VRK1: variants seen among roughly 807,000 people sequenced by gnomAD.
VRK1 encodes the protein VRK serine/threonine kinase 1, also known as serine/threonine-protein kinase VRK1.
VRK1 carries 33 observed loss-of-function variants against 57.1 expected under a neutral mutation model. The observed-to-expected ratio is 0.58, with a 90% confidence interval of 0.44 to 0.77. The LOEUF (loss-of-function observed/expected upper bound fraction) is 0.77, where lower values mean the gene tolerates loss of function less well. VRK1 is among the 30% of genes least tolerant of loss of function. The pLI is 0.00. For missense variants in VRK1, 413 were observed against 477.3 expected (o/e 0.87, Z 1.25); for synonymous variants, 137 against 147.8 (o/e 0.93, Z 0.53).
chr14:96,808,002 C>CCTCTCTCCGTCTCTCT lies in VRK1; in HGVS notation c.-6+10562_-6+10563insCGTCTCTCTCTCTCTC, dbSNP rs149250994. On this transcript the variant is annotated intron_variant, in intron 1 of 12. Transcript: ENST00000216639. The stretch of plus-strand genomic sequence containing the variant: ...GTCTCTCTCCCTCTCTCCCTCTCTC[C>CCTCTCTCCGTCTCTCT]CTCTCTCTCTCCCTCTGTGTGTGTG... Among the ~76,000 whole-genome samples the CCTCTCTCCGTCTCTCT allele has an allele frequency of 5.3e-3, 626 of 118,200 alleles. 37 individuals are homozygous for CCTCTCTCCGTCTCTCT. The highest frequency in any genetic ancestry group is 0.019 in the African/African-American group (533 of 28,044). The allele number at this position is 118,200 out of a possible 152,430, so 77.5% of individuals were successfully genotyped here. A position where few individuals can be genotyped will look rare whatever the true frequency, so the allele number is the denominator to read the frequency against.
chr14:96,798,739 C>T (rs1253870560), intron 1 of VRK1, among the ~76,000 whole-genome samples: 1 of 152,120 alleles, frequency 6.6e-6, no homozygotes, highest in East Asian at 1.9e-4. Context: ...AATTTTGAAG[C>T]ATTTTCAGAA....
intron 1 of VRK1, among the ~76,000 whole-genome samples, chr14:96,797,841 C>T (rs1334842762): frequency 6.6e-6 from 1 of 152,240 alleles, no homozygotes; most frequent in African/African-American, 2.4e-5. Context: ...AGGCCCCTGC[C>T]CCGCAGAGCT....
At chr14:96,835,061 C>T (rs767246281) in intron 2 of VRK1, among the ~76,000 whole-genome samples, 18 of 152,140 alleles carry the variant, frequency 1.2e-4, no homozygotes, top group Non-Finnish European at 2.1e-4. Flanking sequence ...AAGGTGCCAT[C>T]TAATAGTATT....
chr14:96,807,695 T>TA (rs1885936148), intron 1 of VRK1, among the ~76,000 whole-genome samples: 4 of 152,212 alleles, frequency 2.6e-5, no homozygotes, highest in Admixed American at 2.6e-4. Context: ...TGCATCTATC[T>TA]AAGCTATGTC....
At chr14:96,850,730 T>C (rs1394786754) in intron 5 of VRK1, among the ~76,000 whole-genome samples, 4 of 152,196 alleles carry the variant, frequency 2.6e-5, no homozygotes, top group Non-Finnish European at 5.9e-5. Flanking sequence ...GTATGCCTTA[T>C]CTGAAATGTT....
intron 1 of VRK1, among the ~76,000 whole-genome samples, chr14:96,811,221 G>A (rs1017873406): frequency 5.9e-5 from 9 of 151,996 alleles, no homozygotes; most frequent in South Asian, 2.1e-4. Flanking sequence ...GTGAGCCACC[G>A]CGCCCAGCCT....
intron 11 of VRK1, among the ~76,000 whole-genome samples, chr14:96,863,567 C>T (rs1888469534): frequency 6.6e-6 from 1 of 152,168 alleles, no homozygotes; most frequent in African/African-American, 2.4e-5. Flanking sequence ...TGACTGGAAT[C>T]TCATCCCTGG....
At chr14:96,852,764 G>GT (rs1465014643) in intron 5 of VRK1, 67 bp from the exon 6 acceptor site, 8 of 1,101,028 alleles carry the variant, frequency 7.3e-6, no homozygotes, top group Non-Finnish European at 9.8e-6. Context: ...TACTTTGAGA[G>GT]TACTCATTAC....
At chr14:96,877,874 A>C (rs955519101) in intron 12 of VRK1, among the ~76,000 whole-genome samples, 3 of 152,106 alleles carry the variant, frequency 2.0e-5, no homozygotes, top group Non-Finnish European at 2.9e-5. Flanking sequence ...TTTTAACCTA[A>C]GTTTTTAGTT....
chr14:96,822,360 G>T (rs1006205591), intron 1 of VRK1, among the ~76,000 whole-genome samples: 1 of 152,122 alleles, frequency 6.6e-6, no homozygotes, highest in African/African-American at 2.4e-5. Flanking sequence ...TAAATTTTAA[G>T]AGGGGTGTAG....
intron 12 of VRK1, among the ~76,000 whole-genome samples, chr14:96,879,516 A>T (rs1595693931): frequency 6.6e-6 from 1 of 152,298 alleles, no homozygotes; most frequent in East Asian, 1.9e-4. Flanking sequence ...GTGGTTAAAG[A>T]TTTAAAATGT....
chr14:96,852,881 A>C lies in VRK1; in HGVS notation c.425A>C (p.Tyr142Ser). ...TTTGGGAGTGACCTTCAGAAAATAT[A>C]TGAAGCAAATGCCAAAAGGTTTTCT... ...DRFGSDLQKI[Y>S]EANAKRFSRK... The change falls in exon 6 of 13, where the codon TAT becomes TCT. Residue 142 changes from tyrosine (Y) to serine (S), a missense_variant. By Grantham distance (144) the Tyr-to-Ser change is moderately radical (BLOSUM62 -2). Coordinates refer to ENST00000216639, the MANE Select transcript of VRK1 (RefSeq NM_003384.3). The C allele has an allele frequency of 6.2e-7, 1 of 1,613,936 alleles. No homozygotes were observed. Among genetic ancestry groups the C allele is most frequent in the Non-Finnish European group, 8.5e-7 (1 of 1,179,870 alleles).
In VRK1 at chr14:96,876,694, G is replaced by A. The variant is rs74561483; in HGVS notation, c.1159+574G>A. Among the ~76,000 whole-genome samples, 1,219 of 149,450 alleles carry A rather than the reference G, an allele frequency of 8.2e-3. 15 individuals carry two copies. The highest frequency in any genetic ancestry group is 0.028 in the African/African-American group (1,156 of 40,562). On this transcript the variant is annotated intron_variant, in intron 12 of 12. Transcript: ENST00000216639. ...TGCCTGATTGTTCCTTATAAAGTTT[G>A]TCAACCTCTTCTTTTTTTTGAACAA...
chr14:96,872,830 A>C (rs1179767751), intron 11 of VRK1, among the ~76,000 whole-genome samples: 1 of 152,190 alleles, frequency 6.6e-6, no homozygotes, highest in African/African-American at 2.4e-5. Context: ...AGTTACTACT[A>C]ATATTCTATT....
At chr14:96,814,735 A>G (rs1886329335) in intron 1 of VRK1, among the ~76,000 whole-genome samples, 1 of 152,190 alleles carries the variant, frequency 6.6e-6, no homozygotes, top group African/African-American at 2.4e-5. Context: ...TTTTATATGA[A>G]TAGGAATGTT....
chr14:96,798,859 C>T (rs1291930836), intron 1 of VRK1, among the ~76,000 whole-genome samples: 3 of 152,190 alleles, frequency 2.0e-5, no homozygotes, highest in African/African-American at 7.2e-5. Context: ...TTATGTTCAT[C>T]TGTTACCTAT....
In VRK1 at chr14:96,852,868, C is replaced by T; in HGVS notation, c.412C>T (p.Leu138Phe). 1 of 1,613,766 alleles carries T rather than the reference C, an allele frequency of 6.2e-7. No individual in the cohort carries two copies. Among genetic ancestry groups the T allele is most frequent in the South Asian group, 1.1e-5 (1 of 91,080 alleles). The change falls in exon 6 of 13, where the codon CTT becomes TTT. Residue 138 changes from leucine (L) to phenylalanine (F), a missense_variant. Coordinates refer to ENST00000216639, the MANE Select transcript of VRK1 (RefSeq NM_003384.3). ...GATAATGGATCGCTTTGGGAGTGAC[C>T]TTCAGAAAATATATGAAGCAAATGC... is the stretch of plus-strand genomic sequence containing the variant. ...FMIMDRFGSD[L>F]QKIYEANAKR... is the part of the protein sequence containing the mutation.
chr14:96,822,700 T>C (rs912158467), intron 1 of VRK1, among the ~76,000 whole-genome samples: 1 of 152,240 alleles, frequency 6.6e-6, no homozygotes, highest in Non-Finnish European at 1.5e-5. Context: ...AGAATTTTTC[T>C]TGACTTAGGT....
At chr14:96,854,929 A>T (rs897971679) in intron 7 of VRK1, among the ~76,000 whole-genome samples, 2 of 152,160 alleles carry the variant, frequency 1.3e-5, no homozygotes, top group African/African-American at 2.4e-5. Context: ...TTTTCGTTCA[A>T]ATTGAGACAA....
Sources: gnomAD v4.1 joint callset for allele counts (sites outside exome capture counted in the v4.1 genomes callset) on GRCh38, gnomAD v4.1.1 for gene constraint, MANE v1.5 for transcripts, NCBI Gene and HGNC (gene_info 2026-07-23, HGNC 2026-07-21) for gene names.